Variants in GNAZ observed in about 807,000 individuals in gnomAD.
GNAZ encodes guanine nucleotide-binding protein G(z) subunit alpha.
In GNAZ, 3 loss-of-function variants were observed where a neutral mutation model predicts 25.4. That is an observed-to-expected ratio of 0.12 (90% CI 0.05 to 0.30). The LOEUF (loss-of-function observed/expected upper bound fraction) is 0.30. GNAZ is among the 10% of genes least tolerant of loss of function. GNAZ has a pLI of 1.00. For missense variants in GNAZ, 241 were observed against 501.8 expected, an observed-to-expected ratio of 0.48 and a Z score of 4.97; for synonymous variants, 211 against 205.7, an observed-to-expected ratio of 1.03 and a Z score of -0.22.
intron 1 of GNAZ, among the ~76,000 whole-genome samples, chr22:23,083,741 G>A (rs899654418): frequency 6.6e-6 from 1 of 152,192 alleles, no homozygotes; most frequent in Admixed American, 6.5e-5. Flanking sequence ...GGACCAGTTT[G>A]TGGGGCATCC....
At chr22:23,085,826 G>A (rs2068802658) in intron 1 of GNAZ, among the ~76,000 whole-genome samples, 1 of 152,224 alleles carries the variant, frequency 6.6e-6, no homozygotes, top group Non-Finnish European at 1.5e-5. Flanking sequence ...GGTGGCCTAA[G>A]GCCACAGCTA....
At chr22:23,080,937 C>T (rs76519833) in intron 1 of GNAZ, among the ~76,000 whole-genome samples, 4,754 of 152,266 alleles carry the variant, frequency 0.031, 269 homozygotes, top group African/African-American at 0.11. Context: ...TCCAGGGCAG[C>T]GGGCACTCTC....
chr22:23,124,311 T>C lies in GNAZ; in HGVS notation c.*880T>C. 1 of 332,758 alleles carries C rather than the reference T, an allele frequency of 3.0e-6. No homozygotes were observed. Among genetic ancestry groups the C allele is most frequent in the Non-Finnish European group, 6.6e-6 (1 of 151,180 alleles). 20.6% of individuals were successfully genotyped at this position (332,758 alleles called of 1,614,324 possible). On this transcript the variant is annotated 3_prime_UTR_variant, in exon 3 of 3. Transcript: ENST00000615612. ...AGTATTCTTTTTTAAATGCAGATTT[T>C]CAAAACATATTTTTTTTCAGGTGGT...
chr22:23,108,339 A>C (rs2069544995), intron 2 of GNAZ, among the ~76,000 whole-genome samples: 1 of 152,254 alleles, frequency 6.6e-6, no homozygotes, highest in African/African-American at 2.4e-5. Context: ...GCTGTGCAGC[A>C]AATTAAAAGG....
intron 2 of GNAZ, among the ~76,000 whole-genome samples, chr22:23,100,142 A>G (rs982416216): frequency 6.6e-6 from 1 of 152,100 alleles, no homozygotes; most frequent in Non-Finnish European, 1.5e-5. Context: ...GGCTGGGGCC[A>G]AGTATGAGGG....
At chr22:23,121,140 G>A (rs1475294087) in intron 2 of GNAZ, among the ~76,000 whole-genome samples, 6 of 152,212 alleles carry the variant, frequency 3.9e-5, no homozygotes, top group Non-Finnish European at 1.5e-5. Context: ...TGCTGGGGAT[G>A]AGATCTTGTG....
rs1462087856 is a variant in GNAZ, at chr22:23,124,891, TCC to T, written c.*1461_*1462del. 3 of 152,818 alleles carry T rather than the reference TCC, an allele frequency of 2.0e-5. No homozygotes were observed. Among genetic ancestry groups the T allele is most frequent in the Non-Finnish European group, 2.9e-5 (2 of 68,344 alleles). 9.5% of individuals were successfully genotyped at this position (152,818 alleles called of 1,614,324 possible). A position where few individuals can be genotyped will look rare whatever the true frequency, so the allele number is the denominator to read the frequency against. On this transcript the variant is annotated 3_prime_UTR_variant, in exon 3 of 3. Coordinates refer to ENST00000615612, the MANE Select transcript of GNAZ (RefSeq NM_002073.4). The stretch of plus-strand genomic sequence containing the variant: ...CCCTTGCCAGATCTCCCTCCCTCTC[TCC>T]GTGCAGTAGCTGTGTGTCCGAGGTC...
In GNAZ at chr22:23,123,300, C is replaced by T. The variant is rs775149885; in HGVS notation, c.937C>T (p.Arg313Cys). Residue 313 changes from arginine (R) to cysteine (C), a missense_variant, in exon 3 of 3, where the codon CGC becomes TGC. Transcript: ENST00000615612. The part of the protein sequence containing the change: ...YIQRQFEDLN[R>C]NKETKEIYSH... ...CCAGCGGCAGTTTGAAGACCTGAAC[C>T]GCAACAAGGAGACCAAGGAGATCTA... 1.9e-6 allele frequency: 3 copies of T among 1,613,446 alleles called. No homozygotes were observed. Among genetic ancestry groups the T allele is most frequent in the Admixed American group, 1.7e-5 (1 of 59,972 alleles).
intron 1 of GNAZ, among the ~76,000 whole-genome samples, chr22:23,091,197 T>C (rs1176592665): frequency 2.0e-5 from 3 of 152,270 alleles, no homozygotes; most frequent in African/African-American, 4.8e-5. Context: ...GACATGTACA[T>C]GGATCTGCGC....
intron 2 of GNAZ, among the ~76,000 whole-genome samples, chr22:23,105,525 A>G (rs1013504345): frequency 6.6e-6 from 1 of 152,360 alleles, no homozygotes. Context: ...GCCAGCGGCT[A>G]GGAGTGCAGA....
At chr22:23,089,696 G>A (rs1569168598) in intron 1 of GNAZ, among the ~76,000 whole-genome samples, 1 of 152,206 alleles carries the variant, frequency 6.6e-6, no homozygotes, top group East Asian at 1.9e-4. Context: ...TGAGAAGGGA[G>A]GGTCTTGAGG....
At chr22:23,107,293 C>T (rs775138846) in intron 2 of GNAZ, among the ~76,000 whole-genome samples, 1 of 152,202 alleles carries the variant, frequency 6.6e-6, no homozygotes, top group Non-Finnish European at 1.5e-5. Context: ...CCATCTGTCG[C>T]TGGCCTGGGA....
rs575889312 is a variant in GNAZ at position 23,082,073 on chromosome 22, C to T, written c.-450+11503C>T. On this transcript the variant is annotated intron_variant, in intron 1 of 2. Coordinates refer to ENST00000615612, the MANE Select transcript of GNAZ (RefSeq NM_002073.4). The stretch of plus-strand genomic sequence containing the variant: ...CCAGGACGCGGAGCTTGCAGTGAGC[C>T]GAGATCGTGCCGCTGCACTCCAGCC... Among the ~76,000 whole-genome samples the T allele has an allele frequency of 4.8e-3, 707 of 147,126 alleles. 5 individuals are homozygous for T. Among genetic ancestry groups the T allele is most frequent in the Non-Finnish European group, 6.4e-3 (426 of 66,966 alleles).
chr22:23,093,497 G>A (rs928905183), intron 1 of GNAZ, among the ~76,000 whole-genome samples: 5 of 152,250 alleles, frequency 3.3e-5, no homozygotes, highest in Non-Finnish European at 7.3e-5. Context: ...ACAAGGTCAT[G>A]TAGGTCACAC....
intron 2 of GNAZ, among the ~76,000 whole-genome samples, chr22:23,119,026 G>A (rs972620122): frequency 3.9e-5 from 6 of 152,248 alleles, no homozygotes; most frequent in Non-Finnish European, 7.3e-5. Flanking sequence ...GCCAGGCCCT[G>A]GAGGCCAGCA....
rs572550856 is a variant in GNAZ, at chr22:23,123,944, G to A, written c.*513G>A. Reference sequence around the variant, plus strand: ...CAGGGTCTGTGCACCTTCCCTGCTGGCCTGCACACAGCTGCTCAGCACCAC... The same window carrying A: ...CAGGGTCTGTGCACCTTCCCTGCTGACCTGCACACAGCTGCTCAGCACCAC... On this transcript the variant is annotated 3_prime_UTR_variant, in exon 3 of 3. Coordinates refer to ENST00000615612, the MANE Select transcript of GNAZ (RefSeq NM_002073.4). The A allele has an allele frequency of 4.7e-6, 1 of 210,822 alleles. No individual in the cohort carries two copies. The highest frequency in any genetic ancestry group is 9.7e-6 in the Non-Finnish European group (1 of 102,838). The allele number at this position is 210,822 out of a possible 1,614,324, so 13.1% of individuals were successfully genotyped here. A position where few individuals can be genotyped will look rare whatever the true frequency, so the allele number is the denominator to read the frequency against.
intron 2 of GNAZ, among the ~76,000 whole-genome samples, chr22:23,098,133 CT>C (rs1202694377): frequency 1.3e-5 from 2 of 152,268 alleles, no homozygotes; most frequent in African/African-American, 4.8e-5. Flanking sequence ...TTGGCTCTTA[CT>C]GGCCTGTGCC....
chr22:23,097,090 C>A (rs1305684160), intron 2 of GNAZ, among the ~76,000 whole-genome samples: 1 of 152,106 alleles, frequency 6.6e-6, no homozygotes, highest in Non-Finnish European at 1.5e-5. Flanking sequence ...CCGTGGCAGG[C>A]AAGGGAGGGG....
rs1377921307 is a variant in GNAZ at position 23,123,462 on chromosome 22, G to T, written c.*31G>T. 2 of 1,471,316 alleles carry T rather than the reference G, an allele frequency of 1.4e-6. No homozygotes were observed. Among genetic ancestry groups the T allele is most frequent in the South Asian group, 1.2e-5 (1 of 85,754 alleles). The allele number at this position is 1,471,316 out of a possible 1,614,324, so 91.1% of individuals were successfully genotyped here. A position where few individuals can be genotyped will look rare whatever the true frequency, so the allele number is the denominator to read the frequency against. On this transcript the variant is annotated 3_prime_UTR_variant, in exon 3 of 3. Transcript: ENST00000615612. Reference sequence around the variant, plus strand: ...TGGGCCCGGGGCCCGCCTGCCTATGGTGAAACCCACGGGGTGTCATGCCCC... The same window carrying T: ...TGGGCCCGGGGCCCGCCTGCCTATGTTGAAACCCACGGGGTGTCATGCCCC...
Sources: gnomAD v4.1 joint callset for allele counts (sites outside exome capture counted in the v4.1 genomes callset) on GRCh38, gnomAD v4.1.1 for gene constraint, MANE v1.5 for transcripts, NCBI Gene and HGNC (gene_info 2026-07-23, HGNC 2026-07-21) for gene names.